CDH12: variants seen among roughly 807,000 people sequenced by gnomAD.
CDH12 encodes cadherin-12.
A neutral mutation model predicts 74.1 loss-of-function variants in CDH12; 41 were observed. The observed-to-expected ratio is 0.55, with a 90% confidence interval of 0.43 to 0.72. The LOEUF (loss-of-function observed/expected upper bound fraction) is 0.72, where lower values mean the gene tolerates loss of function less well. Ranked by LOEUF, CDH12 falls within the 30% of genes least tolerant of loss-of-function variation. The pLI is 0.00. For missense variants in CDH12, 945 were observed against 977.2 expected, an observed-to-expected ratio of 0.97 and a Z score of 0.44; for synonymous variants, 399 against 355.0, an observed-to-expected ratio of 1.12 and a Z score of -1.39.
chr5:22,055,841 C>T (rs1740701608), intron 5 of CDH12, among the ~76,000 whole-genome samples: 1 of 151,902 alleles, frequency 6.6e-6, no homozygotes, highest in South Asian at 2.1e-4. Context: ...CATATAATAA[C>T]TAAAGGTTGG....
chr5:22,138,028 GA>G (rs570366576), intron 4 of CDH12, among the ~76,000 whole-genome samples: 107 of 152,138 alleles, frequency 7.0e-4, no homozygotes, highest in Non-Finnish European at 3.5e-4. Context: ...AAGATATGCT[GA>G]AAAAAATTAT....
intron 1 of CDH12, among the ~76,000 whole-genome samples, chr5:22,682,308 T>G (rs1473048701): frequency 6.6e-6 from 1 of 152,102 alleles, no homozygotes; most frequent in Non-Finnish European, 1.5e-5. Context: ...CCTAGATACT[T>G]AATAATTTGG....
chr5:22,237,154 G>A (rs762397619), intron 3 of CDH12, among the ~76,000 whole-genome samples: 15 of 152,068 alleles, frequency 9.9e-5, no homozygotes, highest in Non-Finnish European at 1.9e-4. Context: ...CCGCAAACAG[G>A]TGAGTCATGT....
At chr5:21,812,406 G>T (rs1479293805) in intron 9 of CDH12, among the ~76,000 whole-genome samples, 1 of 152,006 alleles carries the variant, frequency 6.6e-6, no homozygotes, top group African/African-American at 2.4e-5. Context: ...GATCATTCTG[G>T]ATCTGCAACA....
chr5:22,811,510 G>C (rs1561048348), intron 1 of CDH12, among the ~76,000 whole-genome samples: 1 of 152,274 alleles, frequency 6.6e-6, no homozygotes, highest in East Asian at 1.9e-4. Flanking sequence ...TGATAAAATA[G>C]AGGCATGTGT....
At chr5:22,350,853 G>A (rs555360798) in intron 3 of CDH12, among the ~76,000 whole-genome samples, 1 of 152,256 alleles carries the variant, frequency 6.6e-6, no homozygotes, top group African/African-American at 2.4e-5. Flanking sequence ...TAGGTGTTAT[G>A]TTTATAGGCA....
chr5:22,483,966 A>G (rs1310829599), intron 2 of CDH12, among the ~76,000 whole-genome samples: 1 of 150,640 alleles, frequency 6.6e-6, no homozygotes, highest in Non-Finnish European at 1.5e-5. Context: ...CAAATTTCAG[A>G]AACAAACTTC....
chr5:22,669,914 G>C (rs528171122), intron 1 of CDH12, among the ~76,000 whole-genome samples: 22 of 152,276 alleles, frequency 1.4e-4, no homozygotes, highest in African/African-American at 5.1e-4. Flanking sequence ...GTAGTGAGTA[G>C]ACTGTACATT....
intron 1 of CDH12, among the ~76,000 whole-genome samples, chr5:22,722,879 T>C (rs1371253084): frequency 6.6e-6 from 1 of 152,212 alleles, no homozygotes; most frequent in Non-Finnish European, 1.5e-5. Context: ...TTGAGTTGTA[T>C]GTGAGCAAAG....
chr5:22,045,080 A>C (rs1739840570), intron 5 of CDH12, among the ~76,000 whole-genome samples: 1 of 152,236 alleles, frequency 6.6e-6, no homozygotes, highest in African/African-American at 2.4e-5. Flanking sequence ...AGACAATTCA[A>C]CAGCAAAAAT....
At chr5:22,050,837 A>AT (rs1263541428) in intron 5 of CDH12, among the ~76,000 whole-genome samples, 2 of 152,164 alleles carry the variant, frequency 1.3e-5, no homozygotes, top group African/African-American at 4.8e-5. Flanking sequence ...ATCAGCAAAC[A>AT]TTGTAAGAAT....
chr5:22,152,209 C>T (rs991956293), intron 4 of CDH12: 1 of 151,978 alleles, frequency 6.6e-6, no homozygotes, highest in Non-Finnish European at 1.5e-5. Flanking sequence ...TTTAAAACCC[C>T]TACCCTCCTT....
intron 3 of CDH12, among the ~76,000 whole-genome samples, chr5:22,369,683 G>A (rs1312961110): frequency 1.3e-5 from 2 of 152,132 alleles, no homozygotes; most frequent in African/African-American, 2.4e-5. Context: ...AGTGCTAATG[G>A]TATCTTTTAA....
chr5:22,731,197 T>C (rs934246738), intron 1 of CDH12, among the ~76,000 whole-genome samples: 1 of 151,880 alleles, frequency 6.6e-6, no homozygotes, highest in African/African-American at 2.4e-5. Flanking sequence ...AGGTTTCACT[T>C]ATTTGGTTAT....
intron 3 of CDH12, among the ~76,000 whole-genome samples, chr5:22,390,778 T>A (rs985060180): frequency 6.6e-6 from 1 of 152,156 alleles, no homozygotes; most frequent in African/African-American, 2.4e-5. Flanking sequence ...ATGAAAAACA[T>A]CACATGAGAC....
chr5:22,449,442 G>C (rs1215306755), intron 2 of CDH12, among the ~76,000 whole-genome samples: 3 of 152,002 alleles, frequency 2.0e-5, no homozygotes, highest in Non-Finnish European at 4.4e-5. Flanking sequence ...TGAGCTGAAA[G>C]AGTGGGAGTG....
chr5:21,848,114 A>G (rs968646595), intron 7 of CDH12, among the ~76,000 whole-genome samples: 4 of 152,110 alleles, frequency 2.6e-5, no homozygotes, highest in African/African-American at 7.2e-5. Context: ...TGTAATCTTC[A>G]TCATTATTGA....
At chr5:21,956,638 A>G (rs1002689302) in intron 6 of CDH12, among the ~76,000 whole-genome samples, 6 of 152,014 alleles carry the variant, frequency 3.9e-5, no homozygotes, top group Non-Finnish European at 8.8e-5. Context: ...CACCAAGGCT[A>G]TTGACATTTT....
intron 4 of CDH12, among the ~76,000 whole-genome samples, chr5:22,204,494 C>T (rs1459191312): frequency 6.6e-6 from 1 of 152,204 alleles, no homozygotes; most frequent in Non-Finnish European, 1.5e-5. Flanking sequence ...TAGCTGATAA[C>T]ATGTATTTCT....
Sources: gnomAD v4.1 joint callset for allele counts (sites outside exome capture counted in the v4.1 genomes callset) on GRCh38, gnomAD v4.1.1 for gene constraint, MANE v1.5 for transcripts, NCBI Gene and HGNC (gene_info 2026-07-23, HGNC 2026-07-21) for gene names.